The following WWOX variants were observed in gnomAD, a reference collection of about 807,000 sequenced individuals.
WWOX encodes WW domain-containing oxidoreductase.
Under a neutral mutation model 46.2 loss-of-function variants are expected in WWOX, and 69 were observed. The ratio of observed to expected loss-of-function variants is 1.49; its 90% confidence interval spans 1.23 to 1.82. The LOEUF (loss-of-function observed/expected upper bound fraction) is 1.82, where lower values mean the gene tolerates loss of function less well. WWOX is among the 40% of genes most tolerant of loss of function. WWOX has a pLI of 0.00. For missense variants in WWOX, 919 were observed against 542.6 expected (o/e 1.69, Z -6.89); for synonymous variants, 359 against 202.6 (o/e 1.77, Z -6.56).
chr16:78,116,901 A>G lies in WWOX; in HGVS notation c.409+1747A>G, dbSNP rs1452609908. On this transcript the variant is annotated intron_variant, in intron 4 of 8. Transcript: ENST00000566780. ...TTGTGTTAAGTGTTCGAACTGCTCC[A>G]TGTGACATTAGATAGCAGACTCTTG... Among the ~76,000 whole-genome samples, 7 of 152,338 alleles carry G rather than the reference A, an allele frequency of 4.6e-5. No individual in the cohort carries two copies. The East Asian group carries it at 7.7e-4, about 17-fold the overall frequency.
At chr16:78,820,143 A>G (rs915167775) in intron 8 of WWOX, among the ~76,000 whole-genome samples, 8 of 152,142 alleles carry the variant, frequency 5.3e-5, no homozygotes, top group Non-Finnish European at 7.3e-5. Flanking sequence ...AGGATGCACA[A>G]TGACCCTGTC....
chr16:78,419,091 G>C (rs1461940020), intron 6 of WWOX, among the ~76,000 whole-genome samples: 1 of 152,002 alleles, frequency 6.6e-6, no homozygotes, highest in African/African-American at 2.4e-5. Context: ...AACAGGTTCA[G>C]CCAGGATAAA....
At chr16:78,288,267 C>CTT (rs201333228) in intron 5 of WWOX, among the ~76,000 whole-genome samples, 2,128 of 124,654 alleles carry the variant, frequency 0.017, 86 homozygotes, top group African/African-American at 0.06. Context: ...TATGAGTTTA[C>CTT]TTTTTTTTTT....
chr16:79,123,877 A>G (rs1156333284), intron 8 of WWOX, among the ~76,000 whole-genome samples: 1 of 152,186 alleles, frequency 6.6e-6, no homozygotes, highest in Non-Finnish European at 1.5e-5. Flanking sequence ...ATAGTTAAGA[A>G]ACAGGCAGCA....
chr16:79,013,374 C>T (rs1165059887), intron 8 of WWOX, among the ~76,000 whole-genome samples: 6 of 152,208 alleles, frequency 3.9e-5, no homozygotes, highest in Admixed American at 2.6e-4. Flanking sequence ...AGAACTGCCC[C>T]GATCCCTATC....
chr16:78,101,627 T>C (rs1349985341), intron 1 of WWOX, among the ~76,000 whole-genome samples: 1 of 152,112 alleles, frequency 6.6e-6, no homozygotes, highest in East Asian at 1.9e-4. Flanking sequence ...GCCCAGAATT[T>C]CTGATTTAAT....
At chr16:78,665,847 G>A (rs1382389069) in intron 8 of WWOX, among the ~76,000 whole-genome samples, 2 of 152,086 alleles carry the variant, frequency 1.3e-5, no homozygotes, top group Non-Finnish European at 2.9e-5. Context: ...ACCATGCCCG[G>A]CTAATTTTTG....
intron 8 of WWOX, among the ~76,000 whole-genome samples, chr16:78,517,478 G>C (rs1421886530): frequency 6.6e-6 from 1 of 152,170 alleles, no homozygotes; most frequent in African/African-American, 2.4e-5. Flanking sequence ...TGTATTTATG[G>C]CTGTGTGATA....
At chr16:78,825,570 C>T (rs1292307275) in intron 8 of WWOX, 18 of 532,512 alleles carry the variant, frequency 3.4e-5, no homozygotes, top group South Asian at 1.4e-4. Context: ...GGTCTGTGTG[C>T]CATTGCCCAG....
chr16:78,164,668 C>T (rs2034914189), intron 5 of WWOX, among the ~76,000 whole-genome samples: 1 of 152,128 alleles, frequency 6.6e-6, no homozygotes, highest in Non-Finnish European at 1.5e-5. Context: ...TCTTACTTTT[C>T]TCTGTCTATG....
rs576356948 is a variant in WWOX, at chr16:79,152,684, A to C, written c.1057-58924A>C. ...GTCTCCATCTCAAAGAAAAAAAAAA[A>C]AAAACAAAAACCTGCCCTGCCCAGC... On this transcript the variant is annotated intron_variant, in intron 8 of 8. Coordinates refer to ENST00000566780, the MANE Select transcript of WWOX (RefSeq NM_016373.4). Among the ~76,000 whole-genome samples the C allele has an allele frequency of 4.9e-4, 74 of 151,928 alleles. 1 individual carries two copies. Among genetic ancestry groups the C allele is most frequent in the African/African-American group, 1.4e-3 (60 of 41,422 alleles).
intron 8 of WWOX, among the ~76,000 whole-genome samples, chr16:78,957,606 G>A (rs969075546): frequency 6.6e-6 from 1 of 152,106 alleles, no homozygotes; most frequent in Non-Finnish European, 1.5e-5. Flanking sequence ...ACGTTACTGA[G>A]GTATGTCTCT....
intron 8 of WWOX, among the ~76,000 whole-genome samples, chr16:78,618,173 T>A (rs572065283): frequency 2.0e-5 from 3 of 152,198 alleles, no homozygotes; most frequent in Non-Finnish European, 4.4e-5. Flanking sequence ...AAGTGGGGAC[T>A]TGAGTCCCGA....
At chr16:78,264,217 A>G (rs763192616) in intron 5 of WWOX, among the ~76,000 whole-genome samples, 1 of 151,866 alleles carries the variant, frequency 6.6e-6, no homozygotes, top group Non-Finnish European at 1.5e-5. Flanking sequence ...ATAGCCCACA[A>G]GATAACATTT....
intron 8 of WWOX, among the ~76,000 whole-genome samples, chr16:78,731,157 C>G (rs1030867428): frequency 3.9e-5 from 6 of 152,190 alleles, no homozygotes; most frequent in Middle Eastern, 6.8e-3. Context: ...CCAAGGAGTT[C>G]TAACTCTTCT....
chr16:78,969,395 G>A lies in WWOX; in HGVS notation c.1057-242213G>A, dbSNP rs575687120. ...AGGGATTCTCGTGCCTCAGCCTCCC[G>A]AGTAGCTGGGATTACAGGGGCACAT... On this transcript the variant is annotated intron_variant, in intron 8 of 8. Coordinates refer to ENST00000566780, the MANE Select transcript of WWOX (RefSeq NM_016373.4). 1.4e-4 allele frequency among the ~76,000 whole-genome samples: 21 copies of A among 151,894 alleles called. No individual in the cohort carries two copies. The South Asian group carries it at 3.8e-3, about 27-fold the overall frequency.
intron 8 of WWOX, among the ~76,000 whole-genome samples, chr16:78,714,767 G>A (rs936179516): frequency 2.0e-5 from 3 of 152,174 alleles, no homozygotes; most frequent in Non-Finnish European, 2.9e-5. Flanking sequence ...GCTGAGAGGT[G>A]TGCATGGGTC....
intron 6 of WWOX, among the ~76,000 whole-genome samples, chr16:78,424,352 TA>T (rs889008637): frequency 1.3e-5 from 2 of 152,164 alleles, no homozygotes; most frequent in Non-Finnish European, 2.9e-5. Context: ...ACTCCTGACC[TA>T]AAATGGTCCA....
rs955259746 is a variant in WWOX at position 78,778,354 on chromosome 16, C to T, written c.1056+345602C>T. Among the ~76,000 whole-genome samples the T allele has an allele frequency of 3.3e-5, 5 of 152,266 alleles. No individual in the cohort carries two copies. In the East Asian group the frequency reaches 7.8e-4, roughly 24 times the overall value. ...AGGCAGGTTTCACGTAACTGATTTA[C>T]CACTTGGTAAAGGAACGAGGTGACA... On this transcript the variant is annotated intron_variant, in intron 8 of 8. Transcript: ENST00000566780.
Sources: allele counts gnomAD v4.1 joint callset (sites outside exome capture counted in the v4.1 genomes callset), GRCh38; gene constraint gnomAD v4.1.1; transcripts MANE v1.5; gene names NCBI Gene and HGNC (gene_info 2026-07-23, HGNC 2026-07-21).